GSTCD: variants seen among roughly 807,000 people sequenced by gnomAD.
GSTCD encodes glutathione S-transferase C-terminal domain-containing protein.
A neutral mutation model predicts 68.3 loss-of-function variants in GSTCD; 44 were observed. The observed-to-expected ratio is 0.64, with a 90% CI of 0.51 to 0.83. The LOEUF is 0.83. Among genes scored for constraint, GSTCD ranks in the 40% least tolerant of loss-of-function variants. The pLI, the probability that GSTCD is intolerant of heterozygous loss-of-function variation, is 0.00. For missense variants in GSTCD, 739 were observed against 735.9 expected, an observed-to-expected ratio of 1.00 and a Z score of -0.05; for synonymous variants, 273 against 255.2, an observed-to-expected ratio of 1.07 and a Z score of -0.67.
At chr4:105,831,212 T>C (rs891687545) in intron 8 of GSTCD, among the ~76,000 whole-genome samples, 2 of 152,150 alleles carry the variant, frequency 1.3e-5, no homozygotes, top group Non-Finnish European at 2.9e-5. Flanking sequence ...CCTGCTTCTC[T>C]GTCTAAGGTA....
chr4:105,747,555 T>G (rs922567243), intron 5 of GSTCD, among the ~76,000 whole-genome samples: 1 of 152,220 alleles, frequency 6.6e-6, no homozygotes, highest in Non-Finnish European at 1.5e-5. Flanking sequence ...ATGAACAGTA[T>G]CAAACCTGTC....
chr4:105,727,607 C>A (rs74787178), intron 4 of GSTCD, among the ~76,000 whole-genome samples: 1 of 147,972 alleles, frequency 6.8e-6, no homozygotes, highest in Non-Finnish European at 1.5e-5. Flanking sequence ...TTTTGGAATT[C>A]TTTGAATTTT....
intron 5 of GSTCD, among the ~76,000 whole-genome samples, chr4:105,811,270 CTCTTAGTA>C (rs1207158462): frequency 6.6e-6 from 1 of 151,876 alleles, no homozygotes; most frequent in African/African-American, 2.4e-5. Flanking sequence ...TATCTCTTTC[CTCTTAGTA>C]TCTTGAGAGA....
Position 105,759,487 on chromosome 4 carries a change from A to G in GSTCD, c.1240+29988A>G, listed in dbSNP as rs542312554. ...TAAATGTTAGTTGTGTTTAGTTTCAACAAAGGAGATGCCCTTACCAACTGG... is the reference window on the plus strand; with the variant it reads ...TAAATGTTAGTTGTGTTTAGTTTCAGCAAAGGAGATGCCCTTACCAACTGG... On this transcript the variant is annotated intron_variant, in intron 5 of 11. Transcript: ENST00000515279. 5.0e-4 allele frequency among the ~76,000 whole-genome samples: 76 copies of G among 152,260 alleles called. No homozygotes were observed. The South Asian group carries it at 0.015, about 31-fold the overall frequency.
intron 5 of GSTCD, among the ~76,000 whole-genome samples, chr4:105,765,175 T>C (rs1447020694): frequency 1.3e-5 from 2 of 152,144 alleles, no homozygotes; most frequent in African/African-American, 2.4e-5. Flanking sequence ...TTAAATTTAA[T>C]AAATTTAATC....
chr4:105,796,455 T>C (rs1361241661), intron 5 of GSTCD, among the ~76,000 whole-genome samples: 2 of 152,238 alleles, frequency 1.3e-5, no homozygotes. Flanking sequence ...TTTTGTCATA[T>C]CATTTTTATT....
chr4:105,813,177 T>C (rs1722823505), intron 5 of GSTCD, among the ~76,000 whole-genome samples: 2 of 152,190 alleles, frequency 1.3e-5, no homozygotes, highest in African/African-American at 2.4e-5. Flanking sequence ...CCCAACCTCA[T>C]TGAGCTGTTA....
chr4:105,722,987 A>G (rs543798192), intron 3 of GSTCD, among the ~76,000 whole-genome samples: 21 of 152,062 alleles, frequency 1.4e-4, no homozygotes, highest in African/African-American at 5.1e-4. Flanking sequence ...GTGGCCTGGC[A>G]TGTTGATAAA....
At chr4:105,835,622 ATCTCTTCTCTCCTTC>A (rs969474481) in intron 9 of GSTCD, among the ~76,000 whole-genome samples, 10 of 152,072 alleles carry the variant, frequency 6.6e-5, no homozygotes, top group Admixed American at 2.0e-4. Context: ...GAAGGGCCGC[ATCTCTTCTCTCCTTC>A]TCTCTTCTCT....
At chr4:105,736,713 A>G (rs1264716436) in intron 5 of GSTCD, among the ~76,000 whole-genome samples, 1 of 152,140 alleles carries the variant, frequency 6.6e-6, no homozygotes, top group African/African-American at 2.4e-5. Context: ...CTGTAATTTT[A>G]TATCCATTAA....
chr4:105,751,101 G>A (rs1733995641), intron 5 of GSTCD, among the ~76,000 whole-genome samples: 1 of 152,094 alleles, frequency 6.6e-6, no homozygotes, highest in Non-Finnish European at 1.5e-5. Flanking sequence ...AAAAACTGGT[G>A]AGAACTCAGG....
chr4:105,739,148 C>T (rs1190756799), intron 5 of GSTCD, among the ~76,000 whole-genome samples: 1 of 152,168 alleles, frequency 6.6e-6, no homozygotes, highest in East Asian at 1.9e-4. Flanking sequence ...TATTGATTTG[C>T]ATATGTTGAA....
rs3055930 is a variant in GSTCD, at chr4:105,756,580, GTATATA to G, written c.1240+27098_1240+27103del. Among the ~76,000 whole-genome samples the G allele has an allele frequency of 2.6e-3, 369 of 142,456 alleles. 3 individuals carry two copies. Among genetic ancestry groups the G allele is most frequent in the Middle Eastern group, 7.1e-3 (2 of 280 alleles). 93.5% of individuals were successfully genotyped at this position (142,456 alleles called of 152,430 possible). On this transcript the variant is annotated intron_variant, in intron 5 of 11. Coordinates refer to ENST00000515279, the MANE Select transcript of GSTCD (RefSeq NM_001370181.1). ...TGTATATATATGTGTGTGTGTGTGT[GTATATA>G]TATATATATATATATAATATGTCTT... is the stretch of plus-strand genomic sequence containing the variant.
chr4:105,737,274 T>C (rs751097652), intron 5 of GSTCD, among the ~76,000 whole-genome samples: 1 of 152,194 alleles, frequency 6.6e-6, no homozygotes, highest in Non-Finnish European at 1.5e-5. Flanking sequence ...TAATAGACGT[T>C]CTAACTGGGA....
chr4:105,825,737 T>A lies in GSTCD; in HGVS notation c.1467T>A (p.Gly489=), dbSNP rs2149277669. 1 of 1,548,872 alleles carries A rather than the reference T, an allele frequency of 6.5e-7. No homozygotes were observed. The highest frequency in any genetic ancestry group is 8.9e-7 in the Non-Finnish European group (1 of 1,121,760). ...CTAAGAAGAGAAGTGATGAACTGGG[T>A]TTAAGCAACATTTGGTTCATTCAAG... The part of the protein sequence containing the change: ...IRAKKRSDEL[G]LSNIWFIQAN... Residue 489 remains glycine (G), a synonymous_variant, in exon 8 of 12, where the codon GGT becomes GGA. Transcript: ENST00000515279.
chr4:105,755,481 A>T (rs188747673), intron 5 of GSTCD, among the ~76,000 whole-genome samples: 1 of 152,164 alleles, frequency 6.6e-6, no homozygotes, highest in Non-Finnish European at 1.5e-5. Flanking sequence ...AGTGTTTTTC[A>T]TACTCTAACT....
chr4:105,709,913 T>C (rs1206633798), intron 1 of GSTCD, among the ~76,000 whole-genome samples: 2 of 152,162 alleles, frequency 1.3e-5, no homozygotes, highest in Admixed American at 6.6e-5. Context: ...TAAACTGTTA[T>C]AACACAACTA....
intron 1 of GSTCD, among the ~76,000 whole-genome samples, chr4:105,717,333 G>A (rs1008534161): frequency 2.6e-5 from 4 of 152,112 alleles, no homozygotes; most frequent in African/African-American, 7.2e-5. Flanking sequence ...GATTGGGAGG[G>A]CTCTATTGCA....
intron 5 of GSTCD, among the ~76,000 whole-genome samples, chr4:105,786,532 CAAAA>C (rs374244742): frequency 2.3e-5 from 2 of 87,830 alleles, no homozygotes; most frequent in Admixed American, 1.1e-4. Flanking sequence ...AAACACCATC[CAAAA>C]AAAAAAAAAA....
Sources: gnomAD v4.1 joint callset for allele counts (sites outside exome capture counted in the v4.1 genomes callset) on GRCh38, gnomAD v4.1.1 for gene constraint, MANE v1.5 for transcripts, NCBI Gene and HGNC (gene_info 2026-07-23, HGNC 2026-07-21) for gene names.